ASTN1: variants seen among roughly 807,000 people sequenced by gnomAD.
The protein encoded by ASTN1 is astrotactin 1.
In ASTN1, 41 loss-of-function variants were observed where a neutral mutation model predicts 140.7. The ratio of observed to expected loss-of-function variants is 0.29; its 90% CI spans 0.23 to 0.38. The LOEUF (loss-of-function observed/expected upper bound fraction) is 0.38. Among genes scored for constraint, ASTN1 ranks in the 10% least tolerant of loss-of-function variants. The probability of loss-of-function intolerance (pLI) is 1.00; values close to 1 mark genes in which losing one functional copy is unlikely to be tolerated. For synonymous variants in ASTN1, 640 were observed against 652.2 expected (o/e 0.98, Z 0.29); for missense variants, 1,479 against 1,678.8 (o/e 0.88, Z 2.08).
At chr1:177,087,329 G>C (rs1679524901) in intron 1 of ASTN1, among the ~76,000 whole-genome samples, 1 of 152,098 alleles carries the variant, frequency 6.6e-6, no homozygotes, top group African/African-American at 2.4e-5. Context: ...CCCCTAAGTT[G>C]GTTGCATTAG....
intron 20 of ASTN1, among the ~76,000 whole-genome samples, chr1:176,882,362 C>T (rs1380971096): frequency 6.6e-6 from 1 of 152,200 alleles, no homozygotes. Flanking sequence ...CCCTTTTACT[C>T]ACCGTCTGCC....
chr1:177,126,250 C>T (rs370393025), intron 1 of ASTN1, among the ~76,000 whole-genome samples: 1 of 152,126 alleles, frequency 6.6e-6, no homozygotes, highest in Non-Finnish European at 1.5e-5. Flanking sequence ...CAGCTGCTTG[C>T]TCCATTTTAG....
intron 1 of ASTN1, among the ~76,000 whole-genome samples, chr1:177,123,322 A>G (rs971075934): frequency 1.3e-5 from 2 of 152,336 alleles, no homozygotes; most frequent in African/African-American, 4.8e-5. Flanking sequence ...ATTAAGAAAC[A>G]AAAGGAAAAA....
chr1:176,962,604 TTA>T (rs1408496082), intron 9 of ASTN1, among the ~76,000 whole-genome samples: 3 of 152,130 alleles, frequency 2.0e-5, no homozygotes, highest in Admixed American at 6.5e-5. Context: ...AATCAGTATA[TTA>T]TAGGCATTTG....
downstream of ASTN1, among the ~76,000 whole-genome samples, chr1:176,859,233 C>T (rs1168869123): frequency 1.2e-4 from 18 of 152,130 alleles, no homozygotes; most frequent in Non-Finnish European, 1.5e-5. Context: ...TCTTCTTCTC[C>T]TGGAATTCCT....
In ASTN1 at chr1:176,984,762, T is replaced by C. The variant is rs1056071748; in HGVS notation, c.1524-19525A>G. Among the ~76,000 whole-genome samples, 4 of 152,220 alleles carry C rather than the reference T, an allele frequency of 2.6e-5. 1 individual carries two copies. The South Asian group carries it at 8.3e-4, about 31-fold the overall frequency. On this transcript the variant is annotated intron_variant, in intron 8 of 22. Coordinates refer to ENST00000361833, the MANE Select transcript of ASTN1 (RefSeq NM_004319.3). ...TTTCTGCGACAAAACAGGGCAAGCATAACTTCCTTGCTATAGTTATTAGCA... is the reference window on the plus strand; with the variant it reads ...TTTCTGCGACAAAACAGGGCAAGCACAACTTCCTTGCTATAGTTATTAGCA...
At position 176,884,393 on chromosome 1, in the gene ASTN1, G is replaced by A. The variant is rs747141288; in HGVS notation, c.3172C>T (p.Leu1058Phe). Reference sequence around the variant, plus strand: ...TCAGTGACTTTCTCTTGACGGAGGAGGTAATCTACAATCTGCACCCCGATT... The same window carrying A: ...TCAGTGACTTTCTCTTGACGGAGGAAGTAATCTACAATCTGCACCCCGATT... ...PPIGVQIVDY[L>F]LRQEKVTDRM... Residue 1058 changes from leucine to phenylalanine, a missense_variant, in exon 19 of 23, where the codon CTC (leucine) becomes TTC (phenylalanine). Physicochemically the swap from Leu to Phe is conservative, Grantham distance 22. Coordinates refer to ENST00000361833, the MANE Select transcript of ASTN1 (RefSeq NM_004319.3). The A allele has an allele frequency of 6.2e-7, 1 of 1,614,194 alleles. No individual in the cohort carries two copies. Among genetic ancestry groups the A allele is most frequent in the South Asian group, 1.1e-5 (1 of 91,082 alleles).
chr1:177,072,458 G>T (rs184978760), intron 1 of ASTN1, among the ~76,000 whole-genome samples: 30 of 152,258 alleles, frequency 2.0e-4, no homozygotes, highest in African/African-American at 7.2e-4. Flanking sequence ...CACTGAAGGG[G>T]TTAAGATGAC....
chr1:177,161,745 G>C (rs768265598), intron 1 of ASTN1, among the ~76,000 whole-genome samples: 5 of 152,076 alleles, frequency 3.3e-5, no homozygotes, highest in Non-Finnish European at 7.4e-5. Context: ...TGTTTTTCTT[G>C]TTGTTTGTAA....
chr1:177,134,340 C>G (rs868853272), intron 1 of ASTN1, among the ~76,000 whole-genome samples: 69 of 152,342 alleles, frequency 4.5e-4, no homozygotes, highest in African/African-American at 1.5e-3. Flanking sequence ...TTGCACGGGT[C>G]TAATCAGCTC....
chr1:177,144,026 C>G (rs1682590843), intron 1 of ASTN1, among the ~76,000 whole-genome samples: 2 of 152,012 alleles, frequency 1.3e-5, no homozygotes, highest in Non-Finnish European at 2.9e-5. Context: ...CAGAGGTAAA[C>G]AAATGTCTTT....
At chr1:177,042,986 G>T (rs1677049210) in intron 2 of ASTN1, among the ~76,000 whole-genome samples, 2 of 152,202 alleles carry the variant, frequency 1.3e-5, no homozygotes, top group Admixed American at 6.5e-5. Flanking sequence ...CTTGATCATT[G>T]GATTGGCCAA....
chr1:176,994,433 C>T (rs1464489051), intron 8 of ASTN1, among the ~76,000 whole-genome samples: 2 of 152,024 alleles, frequency 1.3e-5, no homozygotes, highest in African/African-American at 4.8e-5. Context: ...ACTGCAACCT[C>T]GCCAGGCTCA....
At chr1:176,959,798 C>G (rs1488830163) in intron 9 of ASTN1, among the ~76,000 whole-genome samples, 4 of 152,132 alleles carry the variant, frequency 2.6e-5, no homozygotes, top group African/African-American at 9.7e-5. Context: ...CTTCTCTGAC[C>G]AGTTGGTGAA....
chr1:176,907,116 A>G (rs974868200), intron 16 of ASTN1, among the ~76,000 whole-genome samples: 5 of 152,190 alleles, frequency 3.3e-5, no homozygotes, highest in African/African-American at 1.2e-4. Context: ...CAAATGTTAA[A>G]GTTCTATTAT....
chr1:176,924,758 G>A lies in ASTN1; in HGVS notation c.2671+9394C>T, dbSNP rs114065020. Among the ~76,000 whole-genome samples, 420 of 152,248 alleles carry A rather than the reference G, an allele frequency of 2.8e-3. 2 individuals carry two copies. The highest frequency in any genetic ancestry group is 9.2e-3 in the African/African-American group (382 of 41,536). On this transcript the variant is annotated intron_variant, in intron 16 of 22. Transcript: ENST00000361833. Reference sequence around the variant, plus strand: ...ATATGATAAAATTAACTACTAAATTGTATGGTAGAGACAATATGTTACTAT... The same window carrying A: ...ATATGATAAAATTAACTACTAAATTATATGGTAGAGACAATATGTTACTAT...
intron 1 of ASTN1, among the ~76,000 whole-genome samples, chr1:177,140,731 G>T (rs182188405): frequency 6.6e-6 from 1 of 152,266 alleles, no homozygotes; most frequent in East Asian, 1.9e-4. Flanking sequence ...GAGAGATAAG[G>T]TACCAGAGTG....
At chr1:176,968,267 T>C (rs1557998584) in intron 8 of ASTN1, among the ~76,000 whole-genome samples, 1 of 152,250 alleles carries the variant, frequency 6.6e-6, no homozygotes, top group Non-Finnish European at 1.5e-5. Flanking sequence ...GAATCATTTG[T>C]TAAATAAGTT....
At chr1:177,140,751 G>T (rs1382161672) in intron 1 of ASTN1, among the ~76,000 whole-genome samples, 1 of 152,152 alleles carries the variant, frequency 6.6e-6, no homozygotes, top group Admixed American at 6.5e-5. Context: ...GCATGTTAAG[G>T]TGAGAAGTGC....
Sources: allele counts gnomAD v4.1 joint callset (sites outside exome capture counted in the v4.1 genomes callset), GRCh38; gene constraint gnomAD v4.1.1; transcripts MANE v1.5; gene names NCBI Gene and HGNC (gene_info 2026-07-23, HGNC 2026-07-21).